Variants in NUP210 observed in about 807,000 individuals in gnomAD.
The protein encoded by NUP210 is nucleoporin 210, also known as nuclear pore membrane glycoprotein 210.
A neutral mutation model predicts 196.0 loss-of-function variants in NUP210; 151 were observed. The observed-to-expected ratio is 0.77, with a 90% CI of 0.67 to 0.88. The LOEUF (loss-of-function observed/expected upper bound fraction) is 0.88. Among genes scored for constraint, NUP210 ranks in the 40% least tolerant of loss-of-function variants. The probability of loss-of-function intolerance (pLI) is 0.00; values close to 1 mark genes in which losing one functional copy is unlikely to be tolerated. For missense variants in NUP210, 2,314 were observed against 2,493.7 expected, an observed-to-expected ratio of 0.93 and a Z score of 1.53; for synonymous variants, 1,070 against 1,052.7, an observed-to-expected ratio of 1.02 and a Z score of -0.32.
At position 13,379,130 on chromosome 3, in the gene NUP210, CA is replaced by C; in HGVS notation, c.977-151del. ...CTCCCCTGGCTTAGGCCACGTAGAG[CA>C]AAGGCACTTTTCAGAATCAAAGGCC... On this transcript the variant is annotated intron_variant, in intron 7 of 39. Coordinates refer to ENST00000254508, the MANE Select transcript of NUP210 (RefSeq NM_024923.4). This position sits in a 1 kb window ranked among gnomAD's most constrained non-coding sequence, Gnocchi z 4.2. 1 of 690,838 alleles carries C rather than the reference CA, an allele frequency of 1.4e-6. No homozygotes were observed. The highest frequency in any genetic ancestry group is 2.6e-6 in the Non-Finnish European group (1 of 385,284). 42.8% of individuals were successfully genotyped at this position (690,838 alleles called of 1,614,324 possible).
chr3:13,330,422 C>T, intron 30 of NUP210, 38 bp downstream of exon 30: 3 of 1,598,562 alleles, frequency 1.9e-6, no homozygotes, highest in Non-Finnish European at 1.7e-6. Flanking sequence ...AGTGCTATTG[C>T]TTTCATTACT....
In NUP210 at chr3:13,377,449, C is replaced by A; in HGVS notation, c.1152+7G>T. On this transcript the variant is annotated splice_region_variant and intron_variant, in intron 9 of 39. Coordinates refer to ENST00000254508, the MANE Select transcript of NUP210 (RefSeq NM_024923.4). ...TCCCCCCAGCCAGGACCTGAACAGG[C>A]ACTCACGTCAGATACATAGACCTTG... 6.3e-7 allele frequency: 1 copy of A among 1,595,808 alleles called. No individual in the cohort carries two copies. The highest frequency in any genetic ancestry group is 8.6e-7 in the Non-Finnish European group (1 of 1,163,912).
Position 13,317,794 on chromosome 3 carries a change from G to A in NUP210, c.5564-13C>T, listed in dbSNP as rs1696331902. 6 of 1,574,884 alleles carry A rather than the reference G, an allele frequency of 3.8e-6. No homozygotes were observed. Among genetic ancestry groups the A allele is most frequent in the Non-Finnish European group, 5.2e-6 (6 of 1,150,958 alleles). On this transcript the variant is annotated splice_polypyrimidine_tract_variant and intron_variant, in intron 39 of 39. Transcript: ENST00000254508. ...GAGGCAGCGAAATCTAGGGTGGGAA[G>A]AGAGACGATGTTAGCAGCAGAGCCA...
In NUP210 at chr3:13,348,115, C is replaced by T. The variant is rs1284058646; in HGVS notation, c.2835+3764G>A. ...AATTCAGAAAGAGAGTGCCAGAGCT[C>T]CCCTGTGGCCACCTGTAAAACAGAA... On this transcript the variant is annotated intron_variant, in intron 20 of 39. Coordinates refer to ENST00000254508, the MANE Select transcript of NUP210 (RefSeq NM_024923.4). The surrounding 1 kb of genome is among the most constrained non-coding windows in gnomAD (Gnocchi z 4.0). 6.6e-6 allele frequency among the ~76,000 whole-genome samples: 1 copy of T among 152,206 alleles called. No individual in the cohort carries two copies. The highest frequency in any genetic ancestry group is 1.5e-5 in the Non-Finnish European group (1 of 68,044).
intron 6 of NUP210, among the ~76,000 whole-genome samples, chr3:13,384,252 C>T (rs967030206): frequency 3.9e-5 from 6 of 152,254 alleles, no homozygotes; most frequent in African/African-American, 1.4e-4. Flanking sequence ...TGAGCCACCA[C>T]GCCCGGCCGG....
Position 13,388,496 on chromosome 3 carries a change from A to G in NUP210, c.534-43T>C, listed in dbSNP as rs776288484. The stretch of plus-strand genomic sequence containing the variant: ...TGTCAAAGTTTGTTGATCAAACCCC[A>G]ACACAAGATTTGTCAGAATCTACCA... On this transcript the variant is annotated intron_variant, in intron 4 of 39. Coordinates refer to ENST00000254508, the MANE Select transcript of NUP210 (RefSeq NM_024923.4). 68 of 1,561,658 alleles carry G rather than the reference A, an allele frequency of 4.4e-5. No individual in the cohort carries two copies. In the Admixed American group the frequency reaches 1.3e-3, roughly 29 times the overall value.
At chr3:13,417,641 A>C (rs1344902878) in intron 1 of NUP210, among the ~76,000 whole-genome samples, 3 of 152,210 alleles carry the variant, frequency 2.0e-5, no homozygotes, top group Non-Finnish European at 4.4e-5. Flanking sequence ...AATAAAGAAA[A>C]TATTCTCAAT....
chr3:13,395,357 A>T (rs1699618210), intron 3 of NUP210, among the ~76,000 whole-genome samples: 1 of 152,200 alleles, frequency 6.6e-6, no homozygotes, highest in African/African-American at 2.4e-5. Context: ...CAGGAATCTG[A>T]AACAGGCTGG....
At chr3:13,351,637 C>T (rs1697975032) in intron 20 of NUP210, 4 of 454,168 alleles carry the variant, frequency 8.8e-6, no homozygotes, top group Admixed American at 3.9e-5. Context: ...CAGGCCTGTG[C>T]TACCATGCCC....
intron 13 of NUP210, among the ~76,000 whole-genome samples, chr3:13,370,446 C>T (rs1302248621): frequency 6.6e-6 from 1 of 152,212 alleles, no homozygotes; most frequent in African/African-American, 2.4e-5. Context: ...ATACAGCCAG[C>T]AAGGGAGTGG....
intron 1 of NUP210, among the ~76,000 whole-genome samples, chr3:13,405,589 T>C (rs1341050032): frequency 1.3e-5 from 2 of 152,138 alleles, no homozygotes; most frequent in Non-Finnish European, 2.9e-5. Context: ...ATATGTCCTA[T>C]TGGTTCTGTT....
chr3:13,377,320 A>G, intron 9 of NUP210, 136 bp downstream of exon 9: 1 of 650,662 alleles, frequency 1.5e-6, no homozygotes, highest in East Asian at 2.8e-5. Flanking sequence ...CAGACCCGGG[A>G]GCGCCACTAG....
chr3:13,332,239 C>T lies in NUP210; in HGVS notation c.3935+54G>A, dbSNP rs373036709. ...CTGACAGTGTTGACACATGAGGTGT[C>T]GGATGCAAGCACAGCCGCACAACTT... On this transcript the variant is annotated intron_variant, in intron 29 of 39. Coordinates refer to ENST00000254508, the MANE Select transcript of NUP210 (RefSeq NM_024923.4). The T allele has an allele frequency of 3.9e-4, 555 of 1,417,676 alleles. 1 individual carries two copies. Among genetic ancestry groups the T allele is most frequent in the Non-Finnish European group, 5.2e-4 (517 of 1,001,404 alleles). The allele number at this position is 1,417,676 out of a possible 1,614,324, so 87.8% of individuals were successfully genotyped here.
At chr3:13,395,907 C>T (rs1699635730) in intron 3 of NUP210, among the ~76,000 whole-genome samples, 1 of 152,154 alleles carries the variant, frequency 6.6e-6, no homozygotes, top group Non-Finnish European at 1.5e-5. Context: ...ACAAAGTGCT[C>T]AGAGAAACAC....
In NUP210 at chr3:13,353,439, T is replaced by C. The variant is rs954707387; in HGVS notation, c.2628+115A>G. The C allele has an allele frequency of 2.7e-5, 22 of 814,380 alleles. No individual in the cohort carries two copies. In the African/African-American group the frequency reaches 3.4e-4, roughly 13 times the overall value. 50.4% of individuals were successfully genotyped at this position (814,380 alleles called of 1,614,324 possible). A position where few individuals can be genotyped will look rare whatever the true frequency, so the allele number is the denominator to read the frequency against. On this transcript the variant is annotated intron_variant, in intron 18 of 39. Transcript: ENST00000254508. ...CCTCCAAGAGGCTGGGGTGGGGGAG[T>C]GGTGGTCAAGCAGACAGTGACTCAG...
intron 8 of NUP210, among the ~76,000 whole-genome samples, 154 bp from the exon 9 acceptor site, chr3:13,377,716 C>T (rs1380839893): frequency 1.3e-5 from 2 of 150,956 alleles, no homozygotes; most frequent in Non-Finnish European, 3.0e-5. Flanking sequence ...ACCTGCAGGC[C>T]CCACACCACT....
rs1384747166 is a variant in NUP210 at position 13,340,779 on chromosome 3, C to T, written c.3229-481G>A. ...AGACCCCCAGAGGTTGCTCTTCTAG[C>T]ACACCCTCCGGATTAGCCTGGGAGG... is the stretch of plus-strand genomic sequence containing the variant. On this transcript the variant is annotated intron_variant, in intron 23 of 39. Transcript: ENST00000254508. The surrounding 1 kb of genome is among the most constrained non-coding windows in gnomAD (Gnocchi z 4.0). Among the ~76,000 whole-genome samples the T allele has an allele frequency of 2.0e-5, 3 of 152,114 alleles. No homozygotes were observed. The highest frequency in any genetic ancestry group is 7.2e-5 in the African/African-American group (3 of 41,414).
chr3:13,417,922 A>G (rs1054311905), intron 1 of NUP210, among the ~76,000 whole-genome samples: 10 of 152,252 alleles, frequency 6.6e-5, no homozygotes, highest in South Asian at 4.1e-4. Flanking sequence ...GTTGGGGGGG[A>G]AAAAAGTGTT....
chr3:13,341,822 C>T lies in NUP210; in HGVS notation c.3154G>A (p.Gly1052Ser), dbSNP rs151008831. Residue 1052 changes from glycine (G) to serine (S), a missense_variant, in exon 23 of 40, where the codon GGC becomes AGC. Coordinates refer to ENST00000254508, the MANE Select transcript of NUP210 (RefSeq NM_024923.4). ...ITFLIRGVAI[G>S]QTSLTASVTN... ...ACACTTGCAGTTAGACTGGTCTGGCCGATGGCCACACCGCGGATGAGGAAT... is the reference window on the plus strand; with the variant it reads ...ACACTTGCAGTTAGACTGGTCTGGCTGATGGCCACACCGCGGATGAGGAAT... 6,410 of 1,614,174 alleles carry T rather than the reference C, an allele frequency of 4.0e-3. 18 individuals are homozygous for T. Among genetic ancestry groups the T allele is most frequent in the Middle Eastern group, 5.4e-3 (33 of 6,062 alleles).
Sources: allele counts gnomAD v4.1 joint callset (sites outside exome capture counted in the v4.1 genomes callset), GRCh38; gene constraint gnomAD v4.1.1; non-coding constraint Gnocchi (gnomAD v3.1); transcripts MANE v1.5; gene names NCBI Gene and HGNC (gene_info 2026-07-23, HGNC 2026-07-21).